Variants in FAF1 observed in about 807,000 individuals in gnomAD.
FAF1 encodes the protein Fas associated factor 1, also known as FAS-associated factor 1.
FAF1 carries 25 observed loss-of-function variants against 92.5 expected under a neutral mutation model. The observed-to-expected ratio is 0.27, with a 90% CI of 0.20 to 0.38. FAF1 has a LOEUF of 0.38. Among genes scored for constraint, FAF1 ranks in the 10% least tolerant of loss-of-function variants. The probability of loss-of-function intolerance (pLI) is 1.00; values close to 1 mark genes in which losing one functional copy is unlikely to be tolerated. For missense variants in FAF1, 636 were observed against 793.3 expected (o/e 0.80, Z 2.38); for synonymous variants, 234 against 273.2 (o/e 0.86, Z 1.42).
intron 17 of FAF1, among the ~76,000 whole-genome samples, chr1:50,483,867 T>C (rs1205866523): frequency 1.3e-5 from 2 of 152,168 alleles, no homozygotes; most frequent in Non-Finnish European, 2.9e-5. Context: ...TTCCATTTAC[T>C]GAGATAGGGA....
chr1:50,601,759 T>C (rs188056117), intron 8 of FAF1, among the ~76,000 whole-genome samples: 1 of 151,600 alleles, frequency 6.6e-6, no homozygotes, highest in South Asian at 2.1e-4. Context: ...TATATACACA[T>C]ATATATTCAT....
chr1:50,586,620 T>C (rs906730118), intron 9 of FAF1, among the ~76,000 whole-genome samples: 8 of 152,222 alleles, frequency 5.3e-5, no homozygotes, highest in African/African-American at 1.9e-4. Flanking sequence ...ATCTTAACTC[T>C]ACTTCTCACG....
At chr1:50,893,823 C>A (rs987326820) in intron 1 of FAF1, among the ~76,000 whole-genome samples, 1 of 152,210 alleles carries the variant, frequency 6.6e-6, no homozygotes, top group African/African-American at 2.4e-5. Context: ...GGATACTGCA[C>A]AGAAGCCAGA....
chr1:50,711,763 C>A (rs1189470378), intron 6 of FAF1, among the ~76,000 whole-genome samples: 1 of 152,164 alleles, frequency 6.6e-6, no homozygotes, highest in African/African-American at 2.4e-5. Context: ...CCACACCCGG[C>A]CTGTTCTTTT....
intron 2 of FAF1, among the ~76,000 whole-genome samples, chr1:50,814,470 C>CA (rs1331498386): frequency 3.3e-5 from 5 of 151,786 alleles, no homozygotes; most frequent in Non-Finnish European, 7.4e-5. Context: ...CAGATAAATT[C>CA]AAAAAAACAA....
At position 50,738,873 on chromosome 1, in the gene FAF1, T is replaced by C. The variant is rs1284558541; in HGVS notation, c.541A>G (p.Ser181Gly). ...TPDLPPPSSS[S>G]HAGALQESLN... is the part of the protein sequence containing the mutation. ...ATATAAACAACTTACCCAGCATGAC[T>C]AGATGATGAAGGTGGTGGCAAATCT... The change falls in exon 6 of 19, where the codon AGT (serine) becomes GGT (glycine). Residue 181 changes from serine to glycine, a missense_variant. By Grantham distance (56) the Ser-to-Gly change is moderately conservative (BLOSUM62 0). Transcript: ENST00000396153. 1.9e-6 allele frequency: 3 copies of C among 1,601,882 alleles called. No homozygotes were observed. In the South Asian group the frequency reaches 3.3e-5, roughly 18 times the overall value.
At chr1:50,575,817 G>C (rs955379693) in intron 12 of FAF1, among the ~76,000 whole-genome samples, 4 of 152,194 alleles carry the variant, frequency 2.6e-5, no homozygotes, top group Non-Finnish European at 5.9e-5. Context: ...TGTGTGGTGA[G>C]CTAGAAACTT....
intron 8 of FAF1, among the ~76,000 whole-genome samples, chr1:50,650,545 G>A (rs1419596273): frequency 6.6e-6 from 1 of 152,022 alleles, no homozygotes; most frequent in Non-Finnish European, 1.5e-5. Context: ...ACTTGAACCT[G>A]GGAGGCAGAG....
chr1:50,557,906 T>C (rs562677998), intron 13 of FAF1, among the ~76,000 whole-genome samples: 113 of 130,668 alleles, frequency 8.6e-4, no homozygotes, highest in African/African-American at 3.1e-3. Context: ...TTTATAAATA[T>C]CTTATTTATT....
intron 15 of FAF1, among the ~76,000 whole-genome samples, chr1:50,509,487 T>C (rs895004088): frequency 6.6e-6 from 1 of 152,020 alleles, no homozygotes; most frequent in Non-Finnish European, 1.5e-5. Flanking sequence ...TGGCACACAC[T>C]TGTGGTCCCA....
At chr1:50,919,668 T>A (rs1644947619) in intron 1 of FAF1, among the ~76,000 whole-genome samples, 1 of 152,100 alleles carries the variant, frequency 6.6e-6, no homozygotes, top group Admixed American at 6.5e-5. Flanking sequence ...TTTTTATTTT[T>A]AGTAGAGACA....
At chr1:50,637,681 A>ATGTGTGTGTGTGTG (rs142201244) in intron 8 of FAF1, among the ~76,000 whole-genome samples, 22 of 137,142 alleles carry the variant, frequency 1.6e-4, no homozygotes, top group South Asian at 7.3e-4. Flanking sequence ...ACATATATAT[A>ATGTGTGTGTGTGTG]TGTGTGTGTG....
At chr1:50,569,388 T>C (rs1376534845) in intron 12 of FAF1, among the ~76,000 whole-genome samples, 4 of 152,164 alleles carry the variant, frequency 2.6e-5, no homozygotes, top group African/African-American at 2.4e-5. Flanking sequence ...AGAACACTGA[T>C]ACAAGCCACA....
At chr1:50,896,002 C>T (rs1644755127) in intron 1 of FAF1, among the ~76,000 whole-genome samples, 1 of 152,172 alleles carries the variant, frequency 6.6e-6, no homozygotes, top group East Asian at 1.9e-4. Flanking sequence ...AGGATGCCCA[C>T]TTTCACCACT....
At chr1:50,858,350 T>G in intron 1 of FAF1, among the ~76,000 whole-genome samples, 1 of 151,858 alleles carries the variant, frequency 6.6e-6, no homozygotes, top group East Asian at 1.9e-4. Context: ...ACCCATACCA[T>G]GCACTTTATA....
At chr1:50,761,427 C>T (rs1174328209) in intron 4 of FAF1, among the ~76,000 whole-genome samples, 1 of 152,126 alleles carries the variant, frequency 6.6e-6, no homozygotes, top group Non-Finnish European at 1.5e-5. Context: ...AACATTGATG[C>T]AAAAATCCTC....
intron 4 of FAF1, among the ~76,000 whole-genome samples, chr1:50,787,271 T>C (rs909473550): frequency 6.6e-5 from 10 of 152,308 alleles, no homozygotes; most frequent in African/African-American, 1.4e-4. Context: ...TCATTAAACA[T>C]AGTGTGATGG....
rs1569970271 is a variant in FAF1, at chr1:50,801,506, C to T, written c.161+125G>A. ...TAACACATAGAAATATCTGAAAGAACAATGTTAATGAACTTATATACCCCA... is the reference window on the plus strand; with the variant it reads ...TAACACATAGAAATATCTGAAAGAATAATGTTAATGAACTTATATACCCCA... On this transcript the variant is annotated intron_variant, in intron 3 of 18. Transcript: ENST00000396153. The T allele has an allele frequency of 7.6e-6, 4 of 524,598 alleles. No homozygotes were observed. In the East Asian group the frequency reaches 1.1e-4, roughly 14 times the overall value. The allele number at this position is 524,598 out of a possible 1,614,324, so 32.5% of individuals were successfully genotyped here.
At chr1:50,755,702 C>T (rs1246566335) in intron 4 of FAF1, among the ~76,000 whole-genome samples, 3 of 152,194 alleles carry the variant, frequency 2.0e-5, no homozygotes, top group African/African-American at 7.2e-5. Flanking sequence ...TCTGCCTGGG[C>T]ATCCAGGCAC....
Sources: gnomAD v4.1 joint callset for allele counts (sites outside exome capture counted in the v4.1 genomes callset) on GRCh38, gnomAD v4.1.1 for gene constraint, MANE v1.5 for transcripts, NCBI Gene and HGNC (gene_info 2026-07-23, HGNC 2026-07-21) for gene names.